The following PRMT8 variants were observed in gnomAD, a reference collection of about 807,000 sequenced individuals.
PRMT8 encodes protein arginine N-methyltransferase 8.
Under a neutral mutation model 47.1 loss-of-function variants are expected in PRMT8, and 7 were observed. That is an observed-to-expected ratio of 0.15 (90% confidence interval 0.08 to 0.28). The LOEUF is 0.28. Among genes scored for constraint, PRMT8 ranks in the 10% least tolerant of loss-of-function variants. PRMT8 has a pLI of 1.00. For synonymous variants in PRMT8, 188 were observed against 186.5 expected, an observed-to-expected ratio of 1.01 and a Z score of -0.07; for missense variants, 237 against 505.4, an observed-to-expected ratio of 0.47 and a Z score of 5.09.
intron 1 of PRMT8, among the ~76,000 whole-genome samples, chr12:3,475,454 A>T (rs1865202580): frequency 6.6e-6 from 1 of 152,204 alleles, no homozygotes; most frequent in Admixed American, 6.5e-5. Flanking sequence ...GAGTCTCAGA[A>T]CATTACTTTC....
At chr12:3,385,446 T>G (rs150019436) in intron 1 of PRMT8, among the ~76,000 whole-genome samples, 106 of 152,356 alleles carry the variant, frequency 7.0e-4, no homozygotes, top group African/African-American at 2.5e-3. Flanking sequence ...AGTCCTTCAG[T>G]TGGAGGAATT....
intron 1 of PRMT8, among the ~76,000 whole-genome samples, chr12:3,510,818 T>G (rs1865700654): frequency 6.6e-6 from 1 of 152,130 alleles, no homozygotes; most frequent in East Asian, 1.9e-4. Context: ...GGGAGTGCAC[T>G]CCACGTAATC....
intron 2 of PRMT8, among the ~76,000 whole-genome samples, chr12:3,545,048 T>G (rs912582705): frequency 6.6e-6 from 1 of 152,176 alleles, no homozygotes; most frequent in African/African-American, 2.4e-5. Context: ...CTTGCATGGA[T>G]GAAGGAAAGG....
chr12:3,507,548 A>C (rs1437287288), intron 1 of PRMT8, among the ~76,000 whole-genome samples: 3 of 152,186 alleles, frequency 2.0e-5, no homozygotes, highest in Non-Finnish European at 4.4e-5. Flanking sequence ...GGGGAGGCTC[A>C]GTCAAAGGAT....
At chr12:3,470,305 A>G (rs770068728) in intron 1 of PRMT8, among the ~76,000 whole-genome samples, 6 of 152,086 alleles carry the variant, frequency 3.9e-5, no homozygotes, top group Non-Finnish European at 7.4e-5. Flanking sequence ...GCCTCATGGC[A>G]ACTGCAGCAA....
rs1591601303 is a variant in PRMT8 at position 3,557,734 on chromosome 12, T to G, written c.481+4020T>G. On this transcript the variant is annotated intron_variant, in intron 4 of 9. Coordinates refer to ENST00000382622, the MANE Select transcript of PRMT8 (RefSeq NM_019854.5). This position sits in a 1 kb window ranked among gnomAD's most constrained non-coding sequence, Gnocchi z 4.7. The stretch of plus-strand genomic sequence containing the variant: ...GTGTGGAAACTGAGGCTAGGAGAGG[T>G]GGGTGACTGAGCCCTTTGCTAAGGT... Among the ~76,000 whole-genome samples the G allele has an allele frequency of 1.3e-5, 2 of 151,750 alleles. No individual in the cohort carries two copies. Among genetic ancestry groups the G allele is most frequent in the Non-Finnish European group, 2.9e-5 (2 of 67,912 alleles).
At chr12:3,479,004 A>C (rs1458456956) in intron 1 of PRMT8, among the ~76,000 whole-genome samples, 1 of 152,256 alleles carries the variant, frequency 6.6e-6, no homozygotes, top group East Asian at 1.9e-4. Context: ...GGTGTGAGAA[A>C]GAGGAGGCCA....
chr12:3,541,314 C>G (rs1420344889), intron 2 of PRMT8, among the ~76,000 whole-genome samples: 2 of 152,194 alleles, frequency 1.3e-5, no homozygotes, highest in Non-Finnish European at 2.9e-5. Context: ...GTCTAAATGC[C>G]AGTTTACCCC....
upstream of PRMT8, among the ~76,000 whole-genome samples, chr12:3,489,336 T>C (rs1242676121): frequency 6.6e-6 from 1 of 151,762 alleles, no homozygotes; most frequent in Non-Finnish European, 1.5e-5. Flanking sequence ...ACAGAAGGCA[T>C]GCACAAGCAG....
At chr12:3,529,227 C>G (rs1865990845) in intron 1 of PRMT8, among the ~76,000 whole-genome samples, 1 of 152,190 alleles carries the variant, frequency 6.6e-6, no homozygotes, top group Non-Finnish European at 1.5e-5. Flanking sequence ...GGTTCCTGTT[C>G]TCTGTATGGT....
At chr12:3,522,606 T>C (rs1228527766) in intron 1 of PRMT8, among the ~76,000 whole-genome samples, 4 of 148,078 alleles carry the variant, frequency 2.7e-5, no homozygotes, top group African/African-American at 1.0e-4. Flanking sequence ...GAGCTTGCAG[T>C]GAGCAGAGAT....
Position 3,453,489 on chromosome 12 carries a change from G to C in PRMT8, c.48+72047G>C, listed in dbSNP as rs1160697735. Among the ~76,000 whole-genome samples, 2 of 152,172 alleles carry C rather than the reference G, an allele frequency of 1.3e-5. No individual in the cohort carries two copies. Among genetic ancestry groups the C allele is most frequent in the Non-Finnish European group, 2.9e-5 (2 of 68,020 alleles). The stretch of plus-strand genomic sequence containing the variant: ...GAGGCTACTGCTGCTGGGACTGTGC[G>C]GTGCCGTAGGACATGATTTCTGACC... On this transcript the variant is annotated intron_variant, in intron 1 of 9. Coordinates refer to the PRMT8 transcript ENST00000452611. The surrounding 1 kb of genome is among the most constrained non-coding windows in gnomAD (Gnocchi z 4.9).
intron 8 of PRMT8, among the ~76,000 whole-genome samples, chr12:3,588,098 C>A (rs1052807659): frequency 6.6e-6 from 1 of 152,094 alleles, no homozygotes; most frequent in Non-Finnish European, 1.5e-5. Flanking sequence ...TGGGTGCAAG[C>A]CCTGGTTTTT....
intron 1 of PRMT8, among the ~76,000 whole-genome samples, chr12:3,431,397 T>A (rs369224730): frequency 1.2e-4 from 19 of 152,160 alleles, no homozygotes; most frequent in African/African-American, 4.3e-4. Flanking sequence ...AGAACAAAGA[T>A]GCAGAATGAC....
In PRMT8 at chr12:3,588,412, A is replaced by G. The variant is rs112759766; in HGVS notation, c.980-3819A>G. On this transcript the variant is annotated intron_variant, in intron 8 of 9. Coordinates refer to ENST00000382622, the MANE Select transcript of PRMT8 (RefSeq NM_019854.5). ...ATTCCATTCCCTTTCCAAAAGCACC[A>G]GGAAAACTCTGGTGAGAGGCCAGTC... Among the ~76,000 whole-genome samples the G allele has an allele frequency of 9.7e-4, 148 of 152,346 alleles. 1 individual carries two copies. Among genetic ancestry groups the G allele is most frequent in the African/African-American group, 3.4e-3 (143 of 41,578 alleles).
At chr12:3,581,527 T>C (rs933997326) in intron 7 of PRMT8, among the ~76,000 whole-genome samples, 3 of 152,172 alleles carry the variant, frequency 2.0e-5, no homozygotes, top group Non-Finnish European at 1.5e-5. Context: ...AGGAGGTTCT[T>C]GCCTTGGATA....
rs938457821 is a variant in PRMT8 at position 3,557,373 on chromosome 12, A to C, written c.481+3659A>C. ...GGGATCTAAGCTGGGCCAGGAAGGA[A>C]GCGGAGAAGGATGGTGGTGGTTGTG... On this transcript the variant is annotated intron_variant, in intron 4 of 9. Transcript: ENST00000382622. This position sits in a 1 kb window ranked among gnomAD's most constrained non-coding sequence, Gnocchi z 4.7. 6.6e-5 allele frequency among the ~76,000 whole-genome samples: 10 copies of C among 152,100 alleles called. No individual in the cohort carries two copies. The highest frequency in any genetic ancestry group is 2.9e-5 in the Non-Finnish European group (2 of 68,014).
At chr12:3,410,348 C>T (rs552991576) in intron 1 of PRMT8, among the ~76,000 whole-genome samples, 58 of 152,312 alleles carry the variant, frequency 3.8e-4, no homozygotes, top group African/African-American at 1.3e-3. Context: ...TTTACCTATT[C>T]ACAGAATTGA....
intron 1 of PRMT8, among the ~76,000 whole-genome samples, chr12:3,425,123 G>A (rs779082582): frequency 1.3e-5 from 2 of 152,196 alleles, no homozygotes; most frequent in Non-Finnish European, 2.9e-5. Flanking sequence ...CTCTGATACC[G>A]GGAGCAAGGT....
Sources: allele counts gnomAD v4.1 joint callset (sites outside exome capture counted in the v4.1 genomes callset), GRCh38; gene constraint gnomAD v4.1.1; non-coding constraint Gnocchi (gnomAD v3.1); transcripts MANE v1.5; gene names NCBI Gene and HGNC (gene_info 2026-07-23, HGNC 2026-07-21).